Variants in PC observed in about 807,000 individuals in gnomAD.
PC encodes pyruvate carboxylase, mitochondrial.
Under a neutral mutation model 107.8 loss-of-function variants are expected in PC, and 46 were observed. The observed-to-expected ratio is 0.43, with a 90% CI of 0.34 to 0.55. PC has a LOEUF of 0.55. Ranked by LOEUF, PC falls within the 20% of genes least tolerant of loss-of-function variation. The pLI, the probability that PC is intolerant of heterozygous loss-of-function variation, is 0.04. For synonymous variants in PC, 662 were observed against 684.7 expected (o/e 0.97, Z 0.52); for missense variants, 1,241 against 1,643.1 (o/e 0.76, Z 4.23).
intron 3 of PC, among the ~76,000 whole-genome samples, chr11:66,915,084 C>G (rs1332660156): frequency 1.3e-5 from 2 of 151,798 alleles, no homozygotes; most frequent in Non-Finnish European, 2.9e-5. Context: ...TCCTAGGGTG[C>G]GCCAATGGGG....
chr11:66,942,229 T>A (rs2136134660), intron 3 of PC, among the ~76,000 whole-genome samples: 1 of 150,224 alleles, frequency 6.7e-6, no homozygotes, highest in South Asian at 2.1e-4. Context: ...AAACCCCGTC[T>A]CTACTAAATA....
chr11:66,932,403 C>T (rs1948881380), intron 3 of PC, among the ~76,000 whole-genome samples: 1 of 152,130 alleles, frequency 6.6e-6, no homozygotes, highest in Non-Finnish European at 1.5e-5. Context: ...ACTCTACCAT[C>T]TCAAATGATT....
intron 3 of PC, among the ~76,000 whole-genome samples, chr11:66,882,228 A>G (rs1362623766): frequency 3.9e-5 from 6 of 152,220 alleles, no homozygotes; most frequent in Non-Finnish European, 7.3e-5. Context: ...TCATCCCCCA[A>G]GTTTTGTTCC....
intron 3 of PC, among the ~76,000 whole-genome samples, chr11:66,897,710 C>A (rs1947807688): frequency 6.6e-6 from 1 of 152,224 alleles, no homozygotes; most frequent in Admixed American, 6.5e-5. Context: ...AGGGACCCTC[C>A]TCCTGGCCTG....
intron 3 of PC, among the ~76,000 whole-genome samples, chr11:66,920,715 G>A (rs999178761): frequency 6.6e-6 from 1 of 152,150 alleles, no homozygotes; most frequent in African/African-American, 2.4e-5. Context: ...ACAGAGCTGG[G>A]CCTGGATGCA....
At chr11:66,955,868 G>A (rs1219334354) in intron 1 of PC, among the ~76,000 whole-genome samples, 1 of 151,942 alleles carries the variant, frequency 6.6e-6, no homozygotes, top group African/African-American at 2.4e-5. Flanking sequence ...CAACTCCCAG[G>A]TTCAAGCAAT....
intron 12 of PC, among the ~76,000 whole-genome samples, chr11:66,856,169 G>A (rs930039381): frequency 6.6e-6 from 1 of 152,240 alleles, no homozygotes; most frequent in Non-Finnish European, 1.5e-5. Flanking sequence ...CCCTTTCTCT[G>A]AGAGGAGCTG....
chr11:66,860,602 C>G lies in PC; in HGVS notation c.1368+3172G>C, dbSNP rs780742507. 7.1e-6 allele frequency: 5 copies of G among 701,268 alleles called. No homozygotes were observed. In the African/African-American group the frequency reaches 8.7e-5, roughly 12 times the overall value. The allele number at this position is 701,268 out of a possible 1,614,324, so 43.4% of individuals were successfully genotyped here. ...GGGGGCAGTCACAGCAGCCTGGGGC[C>G]TCCTGGCTTCCTGTCCACAGGGGCG... On this transcript the variant is annotated intron_variant, in intron 12 of 22. Transcript: ENST00000393960.
chr11:66,859,827 C>T (rs773106984), intron 12 of PC: 68 of 1,575,380 alleles, frequency 4.3e-5, no homozygotes, highest in Non-Finnish European at 5.8e-5. Context: ...GGCCCACGTG[C>T]TGGGCGGGAC....
In PC at chr11:66,858,968, C is replaced by T. The variant is rs1946066165; in HGVS notation, c.1368+4806G>A. 6 of 1,572,972 alleles carry T rather than the reference C, an allele frequency of 3.8e-6. No individual in the cohort carries two copies. Among genetic ancestry groups the T allele is most frequent in the South Asian group, 2.3e-5 (2 of 86,454 alleles). On this transcript the variant is annotated intron_variant, in intron 12 of 22. Transcript: ENST00000393960. The surrounding 1 kb of genome is among the most constrained non-coding windows in gnomAD (Gnocchi z 5.9). ...AGGGGACGCTGGAGTCTGAGCCAGCCGTGCAGGTGACGGAGGTGACCGCCA... is the reference window on the plus strand; with the variant it reads ...AGGGGACGCTGGAGTCTGAGCCAGCTGTGCAGGTGACGGAGGTGACCGCCA...
chr11:66,948,389 C>T (rs957758313), intron 3 of PC, among the ~76,000 whole-genome samples: 2 of 151,956 alleles, frequency 1.3e-5, no homozygotes, highest in Non-Finnish European at 2.9e-5. Context: ...CCATGGTTTC[C>T]TGAAGAGTGA....
chr11:66,879,954 C>T (rs1947125949), intron 3 of PC, among the ~76,000 whole-genome samples: 2 of 152,152 alleles, frequency 1.3e-5, no homozygotes, highest in South Asian at 4.1e-4. Flanking sequence ...CTCCTTAGAA[C>T]CTAGTTATGG....
chr11:66,863,715 C>A (rs367819374), intron 12 of PC, 59 bp downstream of exon 12: 1 of 1,539,572 alleles, frequency 6.5e-7, no homozygotes, highest in Non-Finnish European at 8.8e-7. Context: ...GGGAAGTGAA[C>A]GGTCAGGGGG....
chr11:66,871,573 C>A lies in PC; in HGVS notation c.322-93G>T. On this transcript the variant is annotated intron_variant, in intron 5 of 22. Transcript: ENST00000393960. This position sits in a 1 kb window ranked among gnomAD's most constrained non-coding sequence, Gnocchi z 7.4. ...CCCTGCCTAACCTGCTGAGCTGCAT[C>A]CGTTTACCCACCCACGCACAGAGGC... The A allele has an allele frequency of 6.3e-7, 1 of 1,590,720 alleles. No individual in the cohort carries two copies. Among genetic ancestry groups the A allele is most frequent in the Non-Finnish European group, 8.6e-7 (1 of 1,161,182 alleles).
intron 3 of PC, among the ~76,000 whole-genome samples, chr11:66,873,459 T>TA (rs1449941422): frequency 5.0e-5 from 4 of 79,846 alleles, no homozygotes; most frequent in South Asian, 5.1e-4. Context: ...ATATAAAATA[T>TA]ATATTATATA....
rs1383895357 is a variant in PC, at chr11:66,945,421, G to C, written c.-1+7009C>G. Among the ~76,000 whole-genome samples, 4 of 97,552 alleles carry C rather than the reference G, an allele frequency of 4.1e-5. 1 individual carries two copies. The highest frequency in any genetic ancestry group is 8.6e-5 in the Non-Finnish European group (4 of 46,666). The allele number at this position is 97,552 out of a possible 152,430, so 64.0% of individuals were successfully genotyped here. A position where few individuals can be genotyped will look rare whatever the true frequency, so the allele number is the denominator to read the frequency against. On this transcript the variant is annotated intron_variant, in intron 3 of 22. Coordinates refer to ENST00000393960, the MANE Select transcript of PC (RefSeq NM_001040716.2). ...GATTAACTGAATTCAAATGGTTTGG[G>C]GGGGCGGGTCGGAACTGCAGAGTTA...
Position 66,853,351 on chromosome 11 carries a change from G to A in PC, c.1401C>T (p.Asn467=), listed in dbSNP as rs45623237. Residue 467 remains asparagine, a synonymous_variant, in exon 13 of 23, where the codon AAC becomes AAT. Transcript: ENST00000393960. ...TNIAFLQNVL[N]NQQFLAGTVD... is the part of the protein sequence containing the mutation. ...CAGTGCCTGCCAGGAACTGCTGGTT[G>A]TTGAGCACATTCTGCAGGAAGGCGA... 1.8e-4 allele frequency: 283 copies of A among 1,613,506 alleles called. 1 individual carries two copies. In the East Asian group the frequency reaches 5.3e-3, roughly 30 times the overall value.
chr11:66,951,113 G>A (rs1949426300), intron 3 of PC, among the ~76,000 whole-genome samples: 2 of 152,074 alleles, frequency 1.3e-5, no homozygotes, highest in African/African-American at 2.4e-5. Context: ...CAGCTCCTGC[G>A]TCATGAAGGG....
intron 12 of PC, among the ~76,000 whole-genome samples, chr11:66,854,035 C>T (rs975810723): frequency 6.6e-6 from 1 of 152,260 alleles, no homozygotes; most frequent in African/African-American, 2.4e-5. Context: ...CCTGCCTATG[C>T]ACCCAGTCCT....
Sources: allele counts gnomAD v4.1 joint callset (sites outside exome capture counted in the v4.1 genomes callset), GRCh38; gene constraint gnomAD v4.1.1; non-coding constraint Gnocchi (gnomAD v3.1); transcripts MANE v1.5; gene names NCBI Gene and HGNC (gene_info 2026-07-23, HGNC 2026-07-21).